Variants in REC8 observed in about 807,000 individuals in gnomAD.
REC8 encodes the protein meiotic recombination protein REC8 homolog.
Under a neutral mutation model 78.3 loss-of-function variants are expected in REC8, and 42 were observed. The observed-to-expected ratio is 0.54, with a 90% CI of 0.42 to 0.69. The LOEUF (loss-of-function observed/expected upper bound fraction) is 0.69. Ranked by LOEUF, REC8 falls within the 30% of genes least tolerant of loss-of-function variation. The probability of loss-of-function intolerance (pLI) is 0.00; values close to 1 mark genes in which losing one functional copy is unlikely to be tolerated. For missense variants in REC8, 581 were observed against 715.8 expected (o/e 0.81, Z 2.15); for synonymous variants, 268 against 274.1 (o/e 0.98, Z 0.22).
downstream of REC8, chr14:24,180,786 G>A: frequency 1.2e-6 from 2 of 1,607,988 alleles, no homozygotes; most frequent in South Asian, 2.2e-5. Context: ...CTGACTCAGG[G>A]CAGCAGCCCC....
intron 13 of REC8, 31 bp from the exon 14 acceptor site, chr14:24,178,746 A>G: frequency 6.2e-7 from 1 of 1,610,168 alleles, no homozygotes. Context: ...TCACGCCTCA[A>G]ACCCCGTGCC....
chr14:24,172,865 G>C (rs1284993358), intron 2 of REC8, 34 bp from the exon 3 acceptor site: 2 of 1,613,646 alleles, frequency 1.2e-6, no homozygotes. Flanking sequence ...CCCACTCCTG[G>C]ACGCAGCGGT....
At position 24,173,320 on chromosome 14, in the gene REC8, C is replaced by A; in HGVS notation, c.371C>A (p.Ala124Asp). 6.2e-7 allele frequency: 1 copy of A among 1,614,228 alleles called. No homozygotes were observed. Among genetic ancestry groups the A allele is most frequent in the African/African-American group, 1.3e-5 (1 of 75,060 alleles). ...AGCCTGCTGCTTCCTAACCACCTGG[C>A]CATGATGGAGACCCTAGAAGATGCT... ...LPSLLLPNHL[A>D]MMETLEDAPD... The change falls in exon 5 of 19, where the codon GCC (alanine) becomes GAC (aspartate). Residue 124 changes from alanine (A) to aspartate (D), a missense_variant. Transcript: ENST00000611366.
intron 5 of REC8, 44 bp from the exon 6 acceptor site, chr14:24,175,499 G>C (rs370596801): frequency 1.4e-6 from 2 of 1,468,900 alleles, no homozygotes; most frequent in South Asian, 1.1e-5. Flanking sequence ...AAAGCAGGGG[G>C]CTGAAGCTGA....
In REC8 at chr14:24,177,974, C is replaced by G. The variant is rs1187398581; in HGVS notation, c.865-117C>G. 3.1e-5 allele frequency: 47 copies of G among 1,520,360 alleles called. No individual in the cohort carries two copies. The South Asian group carries it at 5.8e-4, about 19-fold the overall frequency. 94.2% of individuals were successfully genotyped at this position (1,520,360 alleles called of 1,614,324 possible). A position where few individuals can be genotyped will look rare whatever the true frequency, so the allele number is the denominator to read the frequency against. On this transcript the variant is annotated intron_variant, in intron 11 of 18. Coordinates refer to ENST00000611366, the MANE Select transcript of REC8 (RefSeq NM_001048205.2). ...TGCTCAAGTGCATGGAGACCCCGCACAAGCCCTCTCCAGGTTCCTCTAGGG... is the reference window on the plus strand; with the variant it reads ...TGCTCAAGTGCATGGAGACCCCGCAGAAGCCCTCTCCAGGTTCCTCTAGGG...
Position 24,177,207 on chromosome 14 carries a change from G to C in REC8, c.691G>C (p.Ala231Pro). Reference protein sequence around the residue: ...LDLLIAEEEEAILLEIPRLPP... With the variant: ...LDLLIAEEEEPILLEIPRLPP... The stretch of plus-strand genomic sequence containing the variant: ...CCTGCTGATCGCAGAGGAAGAAGAA[G>C]CTATCTTGTTAGAAAGTAGGTGTCT... Residue 231 changes from alanine to proline, a missense_variant, in exon 8 of 19, where the codon GCT (alanine) becomes CCT (proline). Ala to Pro is a conservative substitution (Grantham distance 27). Coordinates refer to ENST00000611366, the MANE Select transcript of REC8 (RefSeq NM_001048205.2). 6.2e-7 allele frequency: 1 copy of C among 1,613,640 alleles called. No homozygotes were observed. The highest frequency in any genetic ancestry group is 1.1e-5 in the South Asian group (1 of 91,076).
At chr14:24,180,322 G>A, downstream of REC8, 1 of 1,503,462 alleles carries the variant, frequency 6.7e-7, no homozygotes, top group Non-Finnish European at 8.9e-7. Context: ...AGCAAGTGGG[G>A]CTGGCTCCAA....
rs2038937916 is a variant in REC8, at chr14:24,177,228, T to C, written c.706+6T>C. 6.2e-7 allele frequency: 1 copy of C among 1,613,836 alleles called. No individual in the cohort carries two copies. The highest frequency in any genetic ancestry group is 1.3e-5 in the African/African-American group (1 of 74,892). ...AGAAGCTATCTTGTTAGAAAGTAGGTGTCTCCGGCAGCGTAGGGCCCGCCT... is the reference window on the plus strand; with the variant it reads ...AGAAGCTATCTTGTTAGAAAGTAGGCGTCTCCGGCAGCGTAGGGCCCGCCT... On this transcript the variant is annotated splice_donor_region_variant and intron_variant, in intron 8 of 18. Coordinates refer to ENST00000611366, the MANE Select transcript of REC8 (RefSeq NM_001048205.2).
At chr14:24,177,908 C>A in intron 11 of REC8, 150 bp downstream of exon 11, 2 of 1,482,568 alleles carry the variant, frequency 1.3e-6, no homozygotes, top group Non-Finnish European at 1.8e-6. Context: ...TCGTATCTGG[C>A]CTACGCTTCC....
rs1197892483 is a variant in REC8, at chr14:24,179,420, G to A, written c.1276G>A (p.Glu426Lys). ...SLEISLEAAE[E>K]EKSRISLIPP... ...AGAGATCTCCCTAGAGGCAGCTGAA[G>A]AGGAGAAGTCCCGCATCAGCCTCAT... The change falls in exon 16 of 19, where the codon GAG (glutamate) becomes AAG (lysine). Residue 426 changes from glutamate (E) to lysine (K), a missense_variant. Coordinates refer to ENST00000611366, the MANE Select transcript of REC8 (RefSeq NM_001048205.2). 6.2e-7 allele frequency: 1 copy of A among 1,613,562 alleles called. No homozygotes were observed. Among genetic ancestry groups the A allele is most frequent in the Non-Finnish European group, 8.5e-7 (1 of 1,179,742 alleles).
chr14:24,177,607 TTA>T, intron 10 of REC8, 66 bp downstream of exon 10: 3 of 1,580,862 alleles, frequency 1.9e-6, no homozygotes, highest in Non-Finnish European at 2.6e-6. Context: ...GACAAGGGCT[TTA>T]TATCCCAACT....
At chr14:24,177,661 C>G in intron 10 of REC8, 48 bp from the exon 11 acceptor site, 1 of 1,587,572 alleles carries the variant, frequency 6.3e-7, no homozygotes, top group Non-Finnish European at 8.6e-7. Context: ...CTGGCATCTG[C>G]AAGGGGTAAG....
Position 24,179,412 on chromosome 14 carries a change from C to T in REC8, c.1268C>T (p.Ala423Val). The change falls in exon 16 of 19, where the codon GCA (alanine) becomes GTA (valine). Residue 423 changes from alanine to valine, a missense_variant. Ala to Val is a moderately conservative substitution (Grantham distance 64). Coordinates refer to ENST00000611366, the MANE Select transcript of REC8 (RefSeq NM_001048205.2). ...LMVSLEISLE[A>V]AEEEKSRISL... ...CCCCCAACAGAGATCTCCCTAGAGGCAGCTGAAGAGGAGAAGTCCCGCATC... is the reference window on the plus strand; with the variant it reads ...CCCCCAACAGAGATCTCCCTAGAGGTAGCTGAAGAGGAGAAGTCCCGCATC... The T allele has an allele frequency of 6.2e-7, 1 of 1,614,094 alleles. No homozygotes were observed.
intron 12 of REC8, 33 bp from the exon 13 acceptor site, chr14:24,178,573 T>TA (rs1566636075): frequency 9.3e-6 from 15 of 1,609,756 alleles, no homozygotes; most frequent in Non-Finnish European, 1.0e-5. Context: ...GGCTGCTTTA[T>TA]AATGGGGCTT....
Position 24,178,870 on chromosome 14 carries a change from C to T in REC8, c.1157C>T (p.Ala386Val), listed in dbSNP as rs2039026569. The T allele has an allele frequency of 6.2e-7, 1 of 1,613,500 alleles. No individual in the cohort carries two copies. Among genetic ancestry groups the T allele is most frequent in the African/African-American group, 1.3e-5 (1 of 75,036 alleles). ...AGGCGAGAGCTGCCTGAGGAGGCAGCCGCTGAGGAGGAAAGGAGAAAGATT... is the reference window on the plus strand; with the variant it reads ...AGGCGAGAGCTGCCTGAGGAGGCAGTCGCTGAGGAGGAAAGGAGAAAGATT... ...ALRRELPEEA[A>V]AEEERRKIEV... is the part of the protein sequence containing the mutation. Residue 386 changes from alanine to valine, a missense_variant, in exon 14 of 19, where the codon GCC (alanine) becomes GTC (valine). Ala to Val is a moderately conservative substitution (Grantham distance 64). Transcript: ENST00000611366.
At position 24,178,132 on chromosome 14, in the gene REC8, T is replaced by C. The variant is rs760079061; in HGVS notation, c.906T>C (p.Arg302=). The C allele has an allele frequency of 5.6e-6, 9 of 1,613,894 alleles. No individual in the cohort carries two copies. Among genetic ancestry groups the C allele is most frequent in the South Asian group, 2.2e-5 (2 of 91,072 alleles). The change falls in exon 12 of 19, where the codon CGT becomes CGC. Residue 302 remains arginine, a synonymous_variant. Transcript: ENST00000611366. ...PVPPPPRRRR[R]RRLLFWDKET... is the part of the protein sequence containing the mutation. ...CCCCACCTCCTCGCCGCCGCCGTCG[T>C]CGCCGGTTACTGTTCTGGGACAAGG... is the stretch of plus-strand genomic sequence containing the variant.
chr14:24,173,389 C>G lies in REC8; in HGVS notation c.440C>G (p.Pro147Arg). 3.1e-6 allele frequency: 5 copies of G among 1,614,108 alleles called. 1 individual carries two copies. The South Asian group carries it at 4.4e-5, about 14-fold the overall frequency. Residue 147 changes from proline to arginine, a missense_variant, in exon 5 of 19, where the codon CCT becomes CGT. Transcript: ENST00000611366. ...ATGATGTCTGTGGATCCCAGACTTC[C>G]TAGTCCTTTCGATATCCCTCAGGTA... ...FGMMSVDPRLPSPFDIPQIRH... is the reference protein window; with the variant it reads ...FGMMSVDPRLRSPFDIPQIRH...
At position 24,175,571 on chromosome 14, in the gene REC8, CAG is replaced by C. The variant is rs1358674031; in HGVS notation, c.498_499del (p.Arg166SerfsTer2). On this transcript the variant is annotated frameshift_variant, in exon 6 of 19. Transcript: ENST00000611366. LOFTEE classifies it high-confidence loss of function. Reference sequence around the variant, plus strand: ...CGACACCTCTTAGAGGCTGCAATCCCAGAGAGAGTTGAAGAGATCCCTCCTGA... The same window carrying C: ...CGACACCTCTTAGAGGCTGCAATCCCAGAGAGTTGAAGAGATCCCTCCTGA... The C allele has an allele frequency of 3.1e-6, 5 of 1,614,038 alleles. No individual in the cohort carries two copies. Among genetic ancestry groups the C allele is most frequent in the Admixed American group, 1.7e-5 (1 of 60,020 alleles).
In REC8 at chr14:24,172,786, G is replaced by A; in HGVS notation, c.125+5G>A. On this transcript the variant is annotated splice_donor_5th_base_variant and intron_variant, in intron 2 of 18. Coordinates refer to ENST00000611366, the MANE Select transcript of REC8 (RefSeq NM_001048205.2). ...GGTGAATGTGGTGAAAACCTGGTAA[G>A]GCCCAGAAAAGGGAAGGAGGGCCTG... is the stretch of plus-strand genomic sequence containing the variant. 6.2e-7 allele frequency: 1 copy of A among 1,614,200 alleles called. No individual in the cohort carries two copies. The highest frequency in any genetic ancestry group is 8.5e-7 in the Non-Finnish European group (1 of 1,180,036).
Sources: allele counts gnomAD v4.1 joint callset, GRCh38; gene constraint gnomAD v4.1.1; transcripts MANE v1.5; gene names NCBI Gene and HGNC (gene_info 2026-07-23, HGNC 2026-07-21).